MANF: variants seen among roughly 807,000 people sequenced by gnomAD.
MANF encodes the protein mesencephalic astrocyte derived neurotrophic factor, also known as mesencephalic astrocyte-derived neurotrophic factor.
MANF carries 9 observed loss-of-function variants against 19.1 expected under a neutral mutation model. That is an observed-to-expected ratio of 0.47 (90% CI 0.28 to 0.82). The LOEUF (loss-of-function observed/expected upper bound fraction) is 0.82, where lower values mean the gene tolerates loss of function less well. MANF is among the 40% of genes least tolerant of loss of function. The pLI is 0.10. For synonymous variants in MANF, 89 were observed against 88.0 expected (o/e 1.01, Z -0.06); for missense variants, 225 against 226.7 (o/e 0.99, Z 0.05).
rs574255587 is a variant in MANF at position 51,389,240 on chromosome 3, C to A, written c.*151C>A. 2 of 637,374 alleles carry A rather than the reference C, an allele frequency of 3.1e-6. No individual in the cohort carries two copies. The highest frequency in any genetic ancestry group is 1.8e-5 in the African/African-American group (1 of 54,118). 39.5% of individuals were successfully genotyped at this position (637,374 alleles called of 1,614,324 possible). A position where few individuals can be genotyped will look rare whatever the true frequency, so the allele number is the denominator to read the frequency against. ...AGCTTTCCTGATGATGCTGGCCCTA[C>A]AGTACCCCCATGAGGGGATTCCCTT... On this transcript the variant is annotated 3_prime_UTR_variant, in exon 4 of 4. Transcript: ENST00000528157.
rs1559452399 is a variant in MANF, at chr3:51,385,311, G to A, written c.-32G>A. ...GGTTCAGTCGGTCGGCGGCGGCAGC[G>A]GAGGAGGAGGAGGAGGAGGAGGATG... On this transcript the variant is annotated 5_prime_UTR_variant, in exon 1 of 4. Coordinates refer to ENST00000528157, the MANE Select transcript of MANF (RefSeq NM_006010.6). 1 of 876,956 alleles carries A rather than the reference G, an allele frequency of 1.1e-6. No homozygotes were observed. Among genetic ancestry groups the A allele is most frequent in the South Asian group, 5.4e-5 (1 of 18,538 alleles). 54.3% of individuals were successfully genotyped at this position (876,956 alleles called of 1,614,324 possible).
chr3:51,388,967 A>G lies in MANF; in HGVS notation c.427A>G (p.Ile143Val). The G allele has an allele frequency of 6.2e-7, 1 of 1,602,236 alleles. No homozygotes were observed. The highest frequency in any genetic ancestry group is 8.5e-7 in the Non-Finnish European group (1 of 1,173,972). ...GCTCCGAGTTAAAGAGCTGAAGAAGATTCTGGATGACTGGGGGGAGACATG... is the reference window on the plus strand; with the variant it reads ...GCTCCGAGTTAAAGAGCTGAAGAAGGTTCTGGATGACTGGGGGGAGACATG... ...KKLRVKELKK[I>V]LDDWGETCKG... Residue 143 changes from isoleucine (I) to valine (V), a missense_variant, in exon 4 of 4, where the codon ATT (isoleucine) becomes GTT (valine). By Grantham distance (29) the Ile-to-Val change is conservative. Coordinates refer to ENST00000528157, the MANE Select transcript of MANF (RefSeq NM_006010.6).
At chr3:51,387,666 A>G in intron 2 of MANF, 71 bp from the exon 3 acceptor site, 1 of 1,436,542 alleles carries the variant, frequency 7.0e-7, no homozygotes, top group Admixed American at 1.9e-5. Context: ...ATGATGTTTC[A>G]AGGTGTCAGT....
rs1216003931 is a variant in MANF at position 51,385,446 on chromosome 3, A to AGGGGGCC, written c.94+19_94+25dup. On this transcript the variant is annotated intron_variant, in intron 1 of 3. Coordinates refer to ENST00000528157, the MANE Select transcript of MANF (RefSeq NM_006010.6). ...CCGGGCGACTGCGAAGGTGCGGGAT[A>AGGGGGCC]GGGGGCCGGGGGCCGCGCTCCGTGA... 45 of 1,101,728 alleles carry AGGGGGCC rather than the reference A, an allele frequency of 4.1e-5. No homozygotes were observed. The Admixed American group carries it at 1.5e-3, about 38-fold the overall frequency. The allele number at this position is 1,101,728 out of a possible 1,614,324, so 68.2% of individuals were successfully genotyped here. A position where few individuals can be genotyped will look rare whatever the true frequency, so the allele number is the denominator to read the frequency against.
At position 51,389,124 on chromosome 3, in the gene MANF, A is replaced by T; in HGVS notation, c.*35A>T. ...TCTCTGTTGCACCTGAGGGGGAAAAAACAGTTCAACTGCTTACTCCCAAAA... is the reference window on the plus strand; with the variant it reads ...TCTCTGTTGCACCTGAGGGGGAAAATACAGTTCAACTGCTTACTCCCAAAA... On this transcript the variant is annotated 3_prime_UTR_variant, in exon 4 of 4. Coordinates refer to ENST00000528157, the MANE Select transcript of MANF (RefSeq NM_006010.6). 1.3e-6 allele frequency: 2 copies of T among 1,579,294 alleles called. No individual in the cohort carries two copies.
At chr3:51,386,041 A>G (rs2088954892) in intron 1 of MANF, 167 bp from the exon 2 acceptor site, 2 of 675,304 alleles carry the variant, frequency 3.0e-6, no homozygotes, top group East Asian at 5.6e-5. Flanking sequence ...GCCACTTGGA[A>G]CCGGGTTCTG....
chr3:51,385,966 A>T, intron 1 of MANF: 1 of 510,584 alleles, frequency 2.0e-6, no homozygotes, highest in African/African-American at 1.9e-5. Context: ...AGCAGGGAGA[A>T]GTCGTTTATA....
rs782411756 is a variant in MANF at position 51,386,188 on chromosome 3, C to G, written c.95-20C>G. The G allele has an allele frequency of 6.2e-7, 1 of 1,612,380 alleles. No individual in the cohort carries two copies. Among genetic ancestry groups the G allele is most frequent in the East Asian group, 2.2e-5 (1 of 44,868 alleles). On this transcript the variant is annotated intron_variant, in intron 1 of 3. Coordinates refer to ENST00000528157, the MANE Select transcript of MANF (RefSeq NM_006010.6). ...ACAGCTTGGTGATTGCTGAGCATCT[C>G]CCGTCCCTCTCTTTTCCAGTTTGTA...
chr3:51,388,777 C>G, intron 3 of MANF, 128 bp from the exon 4 acceptor site: 1 of 652,966 alleles, frequency 1.5e-6, no homozygotes, highest in Non-Finnish European at 2.6e-6. Context: ...GTAAATGTGT[C>G]TGGAAATGTC....
chr3:51,386,097 C>T (rs2088956562), intron 1 of MANF, 111 bp from the exon 2 acceptor site: 11 of 1,205,712 alleles, frequency 9.1e-6, no homozygotes, highest in Non-Finnish European at 1.3e-5. Flanking sequence ...AAAAGCTCAC[C>T]TCTAATGATT....
intron 1 of MANF, 129 bp from the exon 2 acceptor site, chr3:51,386,079 G>A (rs1452227885): frequency 4.9e-6 from 5 of 1,017,830 alleles, no homozygotes; most frequent in Non-Finnish European, 7.1e-6. Flanking sequence ...GAGAAAAATC[G>A]GTGATGGAAA....
At chr3:51,387,912 G>A (rs1336692576) in intron 3 of MANF, 34 bp downstream of exon 3, 1 of 1,607,518 alleles carries the variant, frequency 6.2e-7, no homozygotes, top group Non-Finnish European at 8.5e-7. Flanking sequence ...AATGAATGCT[G>A]TGCACCTTCT....
chr3:51,386,019 CA>C, intron 1 of MANF, 188 bp from the exon 2 acceptor site: 1 of 600,332 alleles, frequency 1.7e-6, no homozygotes, highest in East Asian at 2.9e-5. Context: ...CTGGGTGTAC[CA>C]GGGGACCCCC....
intron 1 of MANF, 140 bp downstream of exon 1, chr3:51,385,576 C>A (rs1244867923): frequency 4.3e-6 from 2 of 464,428 alleles, no homozygotes; most frequent in African/African-American, 4.0e-5. Flanking sequence ...CCCGCGGGGC[C>A]TGCATGAGGA....
intron 1 of MANF, chr3:51,385,643 G>A (rs2088944155): frequency 1.8e-5 from 7 of 381,394 alleles, no homozygotes; most frequent in Non-Finnish European, 2.8e-5. Context: ...TTGGTCCGAC[G>A]AAGAAAAGTT....
rs1553620643 is a variant in MANF, at chr3:51,385,326, G to GGAGGAT, written c.-12_-11insTGAGGA. On this transcript the variant is annotated 5_prime_UTR_variant, in exon 1 of 4. The change creates a new upstream start codon in the 5' untranslated region. Coordinates refer to ENST00000528157, the MANE Select transcript of MANF (RefSeq NM_006010.6). ...CGGCGGCAGCGGAGGAGGAGGAGGAGGAGGAGGATGAGGAGGATGAGGAGG... is the reference window on the plus strand; with the variant it reads ...CGGCGGCAGCGGAGGAGGAGGAGGAGGAGGATGAGGAGGATGAGGAGGATGAGGAGG... The GGAGGAT allele has an allele frequency of 2.6e-5, 31 of 1,203,268 alleles. No homozygotes were observed. Among genetic ancestry groups the GGAGGAT allele is most frequent in the African/African-American group, 1.1e-4 (7 of 63,520 alleles). The allele number at this position is 1,203,268 out of a possible 1,614,324, so 74.5% of individuals were successfully genotyped here.
At position 51,386,261 on chromosome 3, in the gene MANF, A is replaced by T. The variant is rs782677078; in HGVS notation, c.148A>T (p.Thr50Ser). The T allele has an allele frequency of 5.6e-6, 9 of 1,613,836 alleles. No homozygotes were observed. The African/African-American group carries it at 8.0e-5, about 14-fold the overall frequency. ...FYQDLKDRDV[T>S]FSPATIENEL... ...CCAGGACCTCAAAGACAGAGATGTCACATTCTCACCAGCCACTATTGAAAA... is the reference window on the plus strand; with the variant it reads ...CCAGGACCTCAAAGACAGAGATGTCTCATTCTCACCAGCCACTATTGAAAA... Residue 50 changes from threonine to serine, a missense_variant, in exon 2 of 4, where the codon ACA becomes TCA. Physicochemically the swap from Thr to Ser is moderately conservative, Grantham distance 58. Coordinates refer to ENST00000528157, the MANE Select transcript of MANF (RefSeq NM_006010.6).
intron 2 of MANF, among the ~76,000 whole-genome samples, chr3:51,387,505 C>T (rs929451453): frequency 2.0e-5 from 3 of 151,710 alleles, no homozygotes; most frequent in Non-Finnish European, 4.4e-5. Context: ...TGTGGTGGCC[C>T]ACACCGGTAG....
At chr3:51,386,409 A>G (rs998141202) in intron 2 of MANF, 74 bp downstream of exon 2, 6 of 1,558,278 alleles carry the variant, frequency 3.9e-6, no homozygotes, top group South Asian at 3.4e-5. Flanking sequence ...GTTTGATAAA[A>G]GGCCTTGCCC....
Sources: allele counts gnomAD v4.1 joint callset (sites outside exome capture counted in the v4.1 genomes callset), GRCh38; gene constraint gnomAD v4.1.1; transcripts MANE v1.5; gene names NCBI Gene and HGNC (gene_info 2026-07-23, HGNC 2026-07-21).